The following SLCO2A1 variants were observed in gnomAD, a reference collection of about 807,000 sequenced individuals.
The protein encoded by SLCO2A1 is solute carrier organic anion transporter family member 2A1, also known as matrin F/G 1.
SLCO2A1 carries 60 observed loss-of-function variants against 71.7 expected under a neutral mutation model. The ratio of observed to expected loss-of-function variants is 0.84; its 90% CI spans 0.68 to 1.04. SLCO2A1 has a LOEUF of 1.04. Ranked by LOEUF, SLCO2A1 falls within the 50% of genes least tolerant of loss-of-function variation. The pLI is 0.00. For missense variants in SLCO2A1, 745 were observed against 813.4 expected (o/e 0.92, Z 1.02); for synonymous variants, 308 against 326.7 (o/e 0.94, Z 0.62).
At chr3:133,995,758 G>C (rs1308697451) in intron 1 of SLCO2A1, among the ~76,000 whole-genome samples, 1 of 152,184 alleles carries the variant, frequency 6.6e-6, no homozygotes, top group African/African-American at 2.4e-5. Flanking sequence ...AATGACGAAT[G>C]ATTTCAGAAG....
At chr3:134,000,943 C>T (rs1935092625) in intron 1 of SLCO2A1, among the ~76,000 whole-genome samples, 1 of 152,124 alleles carries the variant, frequency 6.6e-6, no homozygotes, top group Non-Finnish European at 1.5e-5. Context: ...GAAATACAGC[C>T]GCAAGGATAC....
chr3:134,007,788 C>A (rs1935249323), intron 1 of SLCO2A1, among the ~76,000 whole-genome samples: 1 of 152,194 alleles, frequency 6.6e-6, no homozygotes. Context: ...CATCTCTTTA[C>A]TGGTCTAATC....
intron 1 of SLCO2A1, among the ~76,000 whole-genome samples, chr3:134,018,945 C>T (rs995977992): frequency 6.6e-6 from 1 of 152,210 alleles, no homozygotes; most frequent in African/African-American, 2.4e-5. Context: ...CACCTGAAAG[C>T]TGCCACATTC....
intron 2 of SLCO2A1, among the ~76,000 whole-genome samples, chr3:133,975,106 T>C (rs1260775332): frequency 1.3e-5 from 2 of 152,166 alleles, no homozygotes; most frequent in African/African-American, 2.4e-5. Flanking sequence ...CTTTATCTCC[T>C]TGGACTCTCA....
At chr3:133,968,457 CCCA>C (rs1934241766) in intron 3 of SLCO2A1, among the ~76,000 whole-genome samples, 1 of 152,178 alleles carries the variant, frequency 6.6e-6, no homozygotes, top group Non-Finnish European at 1.5e-5. Context: ...CCTGTGCCTT[CCCA>C]CCGCCTTCTT....
chr3:133,955,195 T>G lies in SLCO2A1; in HGVS notation c.398-2A>C. 6 of 1,610,876 alleles carry G rather than the reference T, an allele frequency of 3.7e-6. No homozygotes were observed. Among genetic ancestry groups the G allele is most frequent in the Non-Finnish European group, 5.1e-6 (6 of 1,178,450 alleles). On this transcript the variant is annotated splice_acceptor_variant, in intron 3 of 13. Transcript: ENST00000310926. LOFTEE classifies it high-confidence loss of function. ...CGGCCTGCAAGCGGCTGTTGTTCCC[T>G]GCAACGAGAGTGCTTGCTGGTCTCC...
chr3:134,006,744 T>C (rs1328128662), intron 1 of SLCO2A1, among the ~76,000 whole-genome samples: 1 of 152,236 alleles, frequency 6.6e-6, no homozygotes, highest in African/African-American at 2.4e-5. Flanking sequence ...CTGGGTTATT[T>C]CCACGTTTTG....
At chr3:134,023,455 C>G (rs564472064) in intron 1 of SLCO2A1, among the ~76,000 whole-genome samples, 3 of 152,294 alleles carry the variant, frequency 2.0e-5, no homozygotes, top group Middle Eastern at 3.4e-3. Context: ...CCTGACTCTC[C>G]TCAGACTGGG....
At chr3:133,968,317 C>T (rs190766249) in intron 3 of SLCO2A1, among the ~76,000 whole-genome samples, 30 of 152,092 alleles carry the variant, frequency 2.0e-4, no homozygotes, top group Admixed American at 1.4e-3. Context: ...GCTGCCCAAA[C>T]CACGGGTGCC....
At chr3:133,990,867 T>C (rs941868795) in intron 1 of SLCO2A1, among the ~76,000 whole-genome samples, 4 of 152,034 alleles carry the variant, frequency 2.6e-5, no homozygotes, top group Non-Finnish European at 4.4e-5. Context: ...CCCAGCACTT[T>C]GAGAGGCTGA....
At chr3:134,003,878 C>T (rs2108071182) in intron 1 of SLCO2A1, among the ~76,000 whole-genome samples, 2 of 152,194 alleles carry the variant, frequency 1.3e-5, no homozygotes, top group African/African-American at 4.8e-5. Flanking sequence ...CAGACTCAAT[C>T]AGTTGGAAGG....
chr3:133,989,200 A>G (rs1934782272), intron 1 of SLCO2A1, among the ~76,000 whole-genome samples: 2 of 152,248 alleles, frequency 1.3e-5, no homozygotes, highest in South Asian at 2.1e-4. Context: ...GGTTACTTAC[A>G]GCCCAGAAAA....
At chr3:134,001,266 G>A (rs946701717) in intron 1 of SLCO2A1, among the ~76,000 whole-genome samples, 34 of 152,024 alleles carry the variant, frequency 2.2e-4, no homozygotes, top group Admixed American at 3.9e-4. Flanking sequence ...CCACGCCACC[G>A]TGCCCAACTA....
intron 1 of SLCO2A1, among the ~76,000 whole-genome samples, chr3:133,998,118 G>T (rs940465583): frequency 1.3e-5 from 2 of 152,136 alleles, no homozygotes; most frequent in African/African-American, 4.8e-5. Flanking sequence ...GACATGCCAT[G>T]GGATCCCCTT....
intron 1 of SLCO2A1, among the ~76,000 whole-genome samples, chr3:134,019,181 T>C (rs1206701597): frequency 6.6e-6 from 1 of 152,200 alleles, no homozygotes; most frequent in Non-Finnish European, 1.5e-5. Flanking sequence ...GGTCTTTGAC[T>C]CTGAAGTCTC....
Position 134,029,820 on chromosome 3 carries a change from C to T in SLCO2A1, c.-18G>A, listed in dbSNP as rs900890976. 1 of 1,397,160 alleles carries T rather than the reference C, an allele frequency of 7.2e-7. No individual in the cohort carries two copies. The highest frequency in any genetic ancestry group is 9.3e-7 in the Non-Finnish European group (1 of 1,078,108). The allele number at this position is 1,397,160 out of a possible 1,614,324, so 86.5% of individuals were successfully genotyped here. A position where few individuals can be genotyped will look rare whatever the true frequency, so the allele number is the denominator to read the frequency against. On this transcript the variant is annotated 5_prime_UTR_variant, in exon 1 of 14. Coordinates refer to ENST00000310926, the MANE Select transcript of SLCO2A1 (RefSeq NM_005630.3). ...AGCCCCATGGCTGCGGGCGGCTGGC[C>T]GGGCGCGGAGTGGCGCGGGGTCGGG... is the stretch of plus-strand genomic sequence containing the variant.
intron 2 of SLCO2A1, 127 bp from the exon 3 acceptor site, chr3:133,973,952 C>T (rs921301818): frequency 4.2e-6 from 4 of 949,206 alleles, no homozygotes; most frequent in African/African-American, 3.3e-5. Context: ...TCAGCTGGGG[C>T]CCAGACAGAG....
At chr3:133,997,550 G>T (rs963467821) in intron 1 of SLCO2A1, among the ~76,000 whole-genome samples, 4 of 152,226 alleles carry the variant, frequency 2.6e-5, no homozygotes, top group Non-Finnish European at 5.9e-5. Context: ...CTGGAGTAGG[G>T]TGTCTGCAAG....
At chr3:133,981,598 GACA>G (rs1934592553) in intron 1 of SLCO2A1, among the ~76,000 whole-genome samples, 1 of 152,184 alleles carries the variant, frequency 6.6e-6, no homozygotes, top group Admixed American at 6.6e-5. Context: ...GAGTCTGGGG[GACA>G]ACGTGGTTTC....
Sources: gnomAD v4.1 joint callset for allele counts (sites outside exome capture counted in the v4.1 genomes callset) on GRCh38, gnomAD v4.1.1 for gene constraint, MANE v1.5 for transcripts, NCBI Gene and HGNC (gene_info 2026-07-23, HGNC 2026-07-21) for gene names.